MARCHF8: variants seen among roughly 807,000 people sequenced by gnomAD.
MARCHF8 encodes E3 ubiquitin-protein ligase MARCHF8.
MARCHF8 carries 40 observed loss-of-function variants against 51.6 expected under a neutral mutation model. The ratio of observed to expected loss-of-function variants is 0.77; its 90% CI spans 0.60 to 1.01. The LOEUF is 1.01. MARCHF8 is among the 50% of genes least tolerant of loss of function. The pLI, the probability that MARCHF8 is intolerant of heterozygous loss-of-function variation, is 0.00. For synonymous variants in MARCHF8, 263 were observed against 280.3 expected (o/e 0.94, Z 0.62); for missense variants, 685 against 708.6 (o/e 0.97, Z 0.38).
At chr10:45,500,488 G>A (rs564200490) in intron 2 of MARCHF8, among the ~76,000 whole-genome samples, 1 of 152,184 alleles carries the variant, frequency 6.6e-6, no homozygotes, top group African/African-American at 2.4e-5. Flanking sequence ...GCAAAACCAG[G>A]CAACCTTATC....
Position 45,455,940 on chromosome 10 carries a change from G to A in MARCHF8, c.*2299C>T, listed in dbSNP as rs146486282. The stretch of plus-strand genomic sequence containing the variant: ...TATCAAGGCACCTTTGCCATAGTGG[G>A]GTGCCAGCTACATTGGGTGGGATGC... On this transcript the variant is annotated 3_prime_UTR_variant, in exon 8 of 8. Transcript: ENST00000453424. The A allele has an allele frequency of 1.3e-5, 2 of 152,388 alleles. 1 individual carries two copies. The highest frequency in any genetic ancestry group is 2.9e-5 in the Non-Finnish European group (2 of 68,064). The allele number at this position is 152,388 out of a possible 1,614,324, so 9.4% of individuals were successfully genotyped here. A position where few individuals can be genotyped will look rare whatever the true frequency, so the allele number is the denominator to read the frequency against.
chr10:45,568,452 G>A (rs1042708578), intron 1 of MARCHF8, among the ~76,000 whole-genome samples: 3 of 152,138 alleles, frequency 2.0e-5, no homozygotes, highest in African/African-American at 7.2e-5. Flanking sequence ...CAGGTGCAGT[G>A]GCTCACACCC....
chr10:45,487,249 T>C (rs2042997994), intron 3 of MARCHF8, among the ~76,000 whole-genome samples: 1 of 152,102 alleles, frequency 6.6e-6, no homozygotes, highest in South Asian at 2.1e-4. Flanking sequence ...GCCAGGACAA[T>C]AGCCTTTCCT....
intron 2 of MARCHF8, among the ~76,000 whole-genome samples, chr10:45,498,239 G>A (rs1374166441): frequency 6.6e-6 from 1 of 152,048 alleles, no homozygotes; most frequent in Non-Finnish European, 1.5e-5. Context: ...TATTCACATT[G>A]TTGCACAATC....
chr10:45,534,066 G>A (rs369673945), intron 1 of MARCHF8, among the ~76,000 whole-genome samples: 14 of 151,938 alleles, frequency 9.2e-5, no homozygotes, highest in African/African-American at 2.9e-4. Flanking sequence ...GCCTGTAGTC[G>A]CAGCTACTCA....
At chr10:45,584,851 G>C (rs2044601494) in intron 1 of MARCHF8, among the ~76,000 whole-genome samples, 1 of 152,142 alleles carries the variant, frequency 6.6e-6, no homozygotes, top group South Asian at 2.1e-4. Context: ...GAAAGAAAGA[G>C]GATCACAAGG....
chr10:45,464,204 C>A (rs12771275), intron 4 of MARCHF8, 35 bp downstream of exon 4: 103,029 of 1,598,898 alleles, frequency 0.064, 3,585 homozygotes, highest in East Asian at 0.081. Context: ...TCTGGCTGCA[C>A]ACTGATCATG....
intron 1 of MARCHF8, among the ~76,000 whole-genome samples, chr10:45,543,876 A>T (rs2044087118): frequency 6.6e-6 from 1 of 151,762 alleles, no homozygotes; most frequent in African/African-American, 2.4e-5. Flanking sequence ...TAATTTTAAA[A>T]TAAGCAAAAT....
chr10:45,499,775 T>C (rs1162559591), intron 2 of MARCHF8, among the ~76,000 whole-genome samples: 1 of 152,192 alleles, frequency 6.6e-6, no homozygotes, highest in East Asian at 1.9e-4. Context: ...GGACTCTCTA[T>C]TCTATTCCAT....
intron 6 of MARCHF8, chr10:45,459,669 TTGA>T: frequency 1.0e-6 from 1 of 976,880 alleles, no homozygotes; most frequent in East Asian, 1.1e-4. Context: ...AAGAAGAGGG[TTGA>T]TGATGCCACA....
chr10:45,488,484 G>A (rs186641265), intron 3 of MARCHF8, among the ~76,000 whole-genome samples: 10 of 151,162 alleles, frequency 6.6e-5, no homozygotes, highest in Non-Finnish European at 1.0e-4. Context: ...ACAGGGAGCC[G>A]AAGACCCATG....
intron 2 of MARCHF8, among the ~76,000 whole-genome samples, chr10:45,494,339 A>T (rs1401349750): frequency 6.6e-6 from 1 of 152,240 alleles, no homozygotes; most frequent in Non-Finnish European, 1.5e-5. Context: ...ACGAGGTGAG[A>T]TGCCTAAGCG....
intron 1 of MARCHF8, among the ~76,000 whole-genome samples, chr10:45,566,825 G>A (rs535859633): frequency 3.0e-4 from 46 of 152,208 alleles, no homozygotes; most frequent in African/African-American, 1.1e-3. Flanking sequence ...CAGATCATAC[G>A]ATAGGTCAAT....
chr10:45,495,881 A>G (rs1486355004), intron 2 of MARCHF8, among the ~76,000 whole-genome samples: 1 of 152,030 alleles, frequency 6.6e-6, no homozygotes, highest in Non-Finnish European at 1.5e-5. Context: ...AAAAGAAAAG[A>G]AAAGAAAGGA....
At chr10:45,499,902 TC>T (rs1280505684) in intron 2 of MARCHF8, among the ~76,000 whole-genome samples, 3 of 152,214 alleles carry the variant, frequency 2.0e-5, no homozygotes, top group African/African-American at 7.2e-5. Context: ...TTCAAATTGT[TC>T]TGGCTATTCA....
intron 1 of MARCHF8, among the ~76,000 whole-genome samples, chr10:45,583,408 T>A (rs1031517935): frequency 6.6e-6 from 1 of 152,102 alleles, no homozygotes; most frequent in Non-Finnish European, 1.5e-5. Flanking sequence ...AAGATATATA[T>A]ATGAGAATGA....
intron 2 of MARCHF8, among the ~76,000 whole-genome samples, chr10:45,499,071 A>C (rs1433293884): frequency 6.6e-6 from 1 of 152,168 alleles, no homozygotes; most frequent in Non-Finnish European, 1.5e-5. Context: ...TCCTATTAGC[A>C]GTGCACAATC....
At chr10:45,548,747 A>C (rs1037918529) in intron 1 of MARCHF8, among the ~76,000 whole-genome samples, 1 of 152,116 alleles carries the variant, frequency 6.6e-6, no homozygotes, top group Non-Finnish European at 1.5e-5. Flanking sequence ...TCATGCCTGT[A>C]ATCTTCGGGA....
chr10:45,562,648 T>A (rs1055848985), intron 1 of MARCHF8, among the ~76,000 whole-genome samples: 7 of 151,812 alleles, frequency 4.6e-5, no homozygotes, highest in African/African-American at 1.7e-4. Context: ...CTTATTTTTT[T>A]TAAAAAAAAG....
Sources: gnomAD v4.1 joint callset for allele counts (sites outside exome capture counted in the v4.1 genomes callset) on GRCh38, gnomAD v4.1.1 for gene constraint, MANE v1.5 for transcripts, NCBI Gene and HGNC (gene_info 2026-07-23, HGNC 2026-07-21) for gene names.